The following STAU2 variants were observed in gnomAD, a reference collection of about 807,000 sequenced individuals.
The protein encoded by STAU2 is staufen double-stranded RNA binding protein 2.
In STAU2, 20 loss-of-function variants were observed where a neutral mutation model predicts 65.9. That is an observed-to-expected ratio of 0.30 (90% CI 0.21 to 0.44). The LOEUF (loss-of-function observed/expected upper bound fraction) is 0.44. STAU2 is among the 20% of genes least tolerant of loss of function. The pLI, the probability that STAU2 is intolerant of heterozygous loss-of-function variation, is 1.00. For synonymous variants in STAU2, 232 were observed against 233.9 expected (o/e 0.99, Z 0.07); for missense variants, 558 against 683.9 (o/e 0.82, Z 2.05).
intron 5 of STAU2, among the ~76,000 whole-genome samples, chr8:73,682,703 A>C (rs1448945799): frequency 6.6e-6 from 1 of 152,162 alleles, no homozygotes; most frequent in Non-Finnish European, 1.5e-5. Context: ...GATAAACAAA[A>C]TTGATAGAAC....
At chr8:73,485,001 T>A (rs934569229) in intron 13 of STAU2, among the ~76,000 whole-genome samples, 2 of 152,102 alleles carry the variant, frequency 1.3e-5, no homozygotes, top group African/African-American at 2.4e-5. Context: ...TTCAGGTAGA[T>A]ACATTCTAAT....
rs929927802 is a variant in STAU2 at position 73,572,263 on chromosome 8, T to A, written c.1222+10507A>T. Among the ~76,000 whole-genome samples the A allele has an allele frequency of 8.5e-5, 13 of 152,208 alleles. No homozygotes were observed. The East Asian group carries it at 2.3e-3, about 27-fold the overall frequency. ...TGAAATTGAGGCAATAATTAACAGC[T>A]ACCAATCAAAAAAATTCCAGGACCA... On this transcript the variant is annotated intron_variant, in intron 12 of 14. Coordinates refer to ENST00000524300, the MANE Select transcript of STAU2 (RefSeq NM_001164380.2).
rs1279774019 is a variant in STAU2, at chr8:73,746,792, G to T, written c.-206C>A. ...CGATGAGGGTATTTACCTTCTTGCC[G>T]GGGACACTTTGCAGACGGCTCCAAC... On this transcript the variant is annotated 5_prime_UTR_variant, in exon 1 of 15. Coordinates refer to ENST00000524300, the MANE Select transcript of STAU2 (RefSeq NM_001164380.2). 1.6e-6 allele frequency: 2 copies of T among 1,231,586 alleles called. No individual in the cohort carries two copies. Among genetic ancestry groups the T allele is most frequent in the Admixed American group, 8.5e-5 (2 of 23,648 alleles). The allele number at this position is 1,231,586 out of a possible 1,614,324, so 76.3% of individuals were successfully genotyped here.
chr8:73,479,865 C>T (rs1373616787), intron 13 of STAU2, among the ~76,000 whole-genome samples: 4 of 151,768 alleles, frequency 2.6e-5, no homozygotes, highest in Admixed American at 1.3e-4. Flanking sequence ...TAAAATGAAT[C>T]GCTTCAGGAA....
intron 13 of STAU2, among the ~76,000 whole-genome samples, chr8:73,524,203 T>G (rs940296953): frequency 6.6e-6 from 1 of 152,030 alleles, no homozygotes; most frequent in Non-Finnish European, 1.5e-5. Flanking sequence ...AGAGACATAA[T>G]TTAGAGGAAG....
At chr8:73,578,750 T>G (rs1809767011) in intron 12 of STAU2, among the ~76,000 whole-genome samples, 1 of 152,210 alleles carries the variant, frequency 6.6e-6, no homozygotes, top group Non-Finnish European at 1.5e-5. Flanking sequence ...CTTACATTTC[T>G]AACACAGTAT....
chr8:73,616,623 C>T (rs1470052772), intron 7 of STAU2, among the ~76,000 whole-genome samples: 1 of 151,946 alleles, frequency 6.6e-6, no homozygotes, highest in Non-Finnish European at 1.5e-5. Flanking sequence ...ACAGTGAAAC[C>T]CCATCTCTGC....
intron 2 of STAU2, among the ~76,000 whole-genome samples, chr8:73,738,870 ATATAG>A (rs1325185859): frequency 6.6e-6 from 1 of 152,220 alleles, no homozygotes; most frequent in African/African-American, 2.4e-5. Flanking sequence ...GGAAAAGAGC[ATATAG>A]TACAATTATC....
At position 73,421,444 on chromosome 8, in the gene STAU2, C is replaced by T; in HGVS notation, c.1641G>A (p.Glu547=). Residue 547 remains glutamate (E), a synonymous_variant, in exon 15 of 15, where the codon GAG becomes GAA. Transcript: ENST00000524300. The part of the protein sequence containing the change: ...SLEKQAKHLR[E]KADNNQAPPG... ...GGGGTGCCTGGTTATTGTCCGCTTT[C>T]TCTCTCAGATGCTTGGCTTGTCTGA... 1 of 1,537,270 alleles carries T rather than the reference C, an allele frequency of 6.5e-7. No individual in the cohort carries two copies. Among genetic ancestry groups the T allele is most frequent in the Non-Finnish European group, 8.7e-7 (1 of 1,146,912 alleles).
rs75132374 is a variant in STAU2 at position 73,515,773 on chromosome 8, CTTTTTTTTT to C, written c.1530+36230_1530+36238del. ...TTCTCCCTGTGCTGAAAAAATTTCT[CTTTTTTTTT>C]TTTTTTTTTTTTTTTTTGAGACACG... is the stretch of plus-strand genomic sequence containing the variant. On this transcript the variant is annotated intron_variant, in intron 13 of 14. Transcript: ENST00000524300. 4.6e-4 allele frequency among the ~76,000 whole-genome samples: 42 copies of C among 90,930 alleles called. No individual in the cohort carries two copies. The East Asian group carries it at 0.013, about 28-fold the overall frequency. 59.7% of individuals were successfully genotyped at this position (90,930 alleles called of 152,430 possible).
chr8:73,449,873 G>A (rs956900354), intron 13 of STAU2, among the ~76,000 whole-genome samples: 6 of 152,204 alleles, frequency 3.9e-5, no homozygotes, highest in Non-Finnish European at 8.8e-5. Flanking sequence ...CTGGCAGGAG[G>A]AGCTCTGCAG....
At chr8:73,553,836 T>C (rs914336886) in intron 12 of STAU2, among the ~76,000 whole-genome samples, 5 of 152,046 alleles carry the variant, frequency 3.3e-5, no homozygotes, top group Non-Finnish European at 5.9e-5. Context: ...TTTTCATGCA[T>C]TGTTCACCAG....
intron 13 of STAU2, among the ~76,000 whole-genome samples, chr8:73,430,521 G>C (rs948245844): frequency 6.6e-6 from 1 of 152,136 alleles, no homozygotes; most frequent in Non-Finnish European, 1.5e-5. Context: ...AGATGAGTTT[G>C]CTTCTCTTTC....
Position 73,734,061 on chromosome 8 carries a change from A to G in STAU2, c.-18+4223T>C, listed in dbSNP as rs1472105236. Among the ~76,000 whole-genome samples, 6 of 152,254 alleles carry G rather than the reference A, an allele frequency of 3.9e-5. No homozygotes were observed. In the East Asian group the frequency reaches 1.2e-3, roughly 29 times the overall value. On this transcript the variant is annotated intron_variant, in intron 3 of 14. Transcript: ENST00000524300. ...TAAGAATTATTATTAAATCACTTCA[A>G]AACATTACATATTGTATAATCCCAG...
chr8:73,654,656 A>AAAAAAAAAAAAC (rs1563484753), intron 6 of STAU2, among the ~76,000 whole-genome samples: 1 of 141,550 alleles, frequency 7.1e-6, no homozygotes, highest in Non-Finnish European at 1.5e-5. Flanking sequence ...AAAAAAAAAA[A>AAAAAAAAAAAAC]AAAAAGAACT....
At chr8:73,652,058 T>C (rs1419284711) in intron 6 of STAU2, among the ~76,000 whole-genome samples, 1 of 152,186 alleles carries the variant, frequency 6.6e-6, no homozygotes, top group Non-Finnish European at 1.5e-5. Context: ...GCTTTCAGCA[T>C]ATGATAAAAG....
intron 13 of STAU2, among the ~76,000 whole-genome samples, chr8:73,533,075 CAT>C (rs1805930953): frequency 6.6e-6 from 1 of 152,194 alleles, no homozygotes; most frequent in South Asian, 2.1e-4. Context: ...TATGGTCACT[CAT>C]TGGCTTAGAA....
At chr8:73,641,790 T>C (rs544172310) in intron 6 of STAU2, among the ~76,000 whole-genome samples, 2 of 152,348 alleles carry the variant, frequency 1.3e-5, no homozygotes, top group African/African-American at 2.4e-5. Context: ...AAACATACTT[T>C]AGAAAATTTT....
chr8:73,625,346 G>A (rs554584659), intron 6 of STAU2, among the ~76,000 whole-genome samples: 1 of 152,328 alleles, frequency 6.6e-6, no homozygotes, highest in East Asian at 1.9e-4. Flanking sequence ...AATGTGGTAT[G>A]TCCCCACAAT....
Sources: gnomAD v4.1 joint callset for allele counts (sites outside exome capture counted in the v4.1 genomes callset) on GRCh38, gnomAD v4.1.1 for gene constraint, MANE v1.5 for transcripts, NCBI Gene and HGNC (gene_info 2026-07-23, HGNC 2026-07-21) for gene names.